Variants in PRCP observed in about 807,000 individuals in gnomAD.
The protein encoded by PRCP is lysosomal Pro-X carboxypeptidase.
In PRCP, 46 loss-of-function variants were observed where a neutral mutation model predicts 54.2. The ratio of observed to expected loss-of-function variants is 0.85; its 90% confidence interval spans 0.67 to 1.09. The LOEUF (loss-of-function observed/expected upper bound fraction) is 1.09, where lower values mean the gene tolerates loss of function less well. PRCP is among the 50% of genes least tolerant of loss of function. PRCP has a pLI of 0.00. For synonymous variants in PRCP, 240 were observed against 212.2 expected (o/e 1.13, Z -1.14); for missense variants, 613 against 596.8 (o/e 1.03, Z -0.28).
chr11:82,900,326 A>G lies in PRCP; in HGVS notation c.77T>C (p.Leu26Ser). 1 of 1,614,178 alleles carries G rather than the reference A, an allele frequency of 6.2e-7. No individual in the cohort carries two copies. The highest frequency in any genetic ancestry group is 1.1e-5 in the South Asian group (1 of 91,074). Residue 26 changes from leucine to serine, a missense_variant, in exon 1 of 9, where the codon TTA (leucine) becomes TCA (serine). Leu to Ser is a moderately radical substitution (Grantham distance 145). Transcript: ENST00000313010. ...CAAGTGTAGGCTGCCGAGGGCCCTT[A>G]AGGCCGGCCGGAGGGCTATGGTGGC... ...PWATIALRPA[L>S]RALGSLHLPT...
chr11:82,879,172 A>G (rs1046518049), intron 1 of PRCP, among the ~76,000 whole-genome samples: 7 of 152,214 alleles, frequency 4.6e-5, no homozygotes, highest in African/African-American at 1.7e-4. Flanking sequence ...AGGTACACCA[A>G]TCAGACATAG....
At chr11:82,866,013 G>A (rs6592086) in intron 1 of PRCP, among the ~76,000 whole-genome samples, 2 of 151,990 alleles carry the variant, frequency 1.3e-5, no homozygotes, top group African/African-American at 4.8e-5. Flanking sequence ...CACCCTAGAG[G>A]TAGGACAAGA....
At chr11:82,836,011 T>C in intron 8 of PRCP, 1 of 262,094 alleles carries the variant, frequency 3.8e-6, no homozygotes. Flanking sequence ...GCTAACATGG[T>C]TGAAACCCCA....
At chr11:82,868,833 C>T (rs1479618845) in intron 1 of PRCP, among the ~76,000 whole-genome samples, 8 of 151,836 alleles carry the variant, frequency 5.3e-5, no homozygotes, top group Non-Finnish European at 1.0e-4. Flanking sequence ...GCCAGGAGTT[C>T]GAGACCAGCC....
At chr11:82,893,865 A>G (rs1860058105) in intron 1 of PRCP, among the ~76,000 whole-genome samples, 1 of 152,230 alleles carries the variant, frequency 6.6e-6, no homozygotes, top group African/African-American at 2.4e-5. Flanking sequence ...ATAGAACAGT[A>G]ATAGGGATTA....
Position 82,900,392 on chromosome 11 carries a change from C to T in PRCP, c.11G>A (p.Arg4Gln). Residue 4 changes from arginine (R) to glutamine (Q), a missense_variant, in exon 1 of 9, where the codon CGA becomes CAA. Arg to Gln is a conservative substitution (Grantham distance 43). Coordinates refer to ENST00000313010, the MANE Select transcript of PRCP (RefSeq NM_005040.4). MGR[R>Q]ALLLLLLSFL... ...AGACAGAAGCAGGAGCAGGAGGGCT[C>T]GGCGGCCCATGGCTCAGGCTGGAGA... 3 of 1,613,524 alleles carry T rather than the reference C, an allele frequency of 1.9e-6. No homozygotes were observed. Among genetic ancestry groups the T allele is most frequent in the Non-Finnish European group, 1.7e-6 (2 of 1,179,840 alleles).
At chr11:82,860,448 T>C (rs1565226842) in intron 1 of PRCP, among the ~76,000 whole-genome samples, 1 of 152,110 alleles carries the variant, frequency 6.6e-6, no homozygotes, top group Non-Finnish European at 1.5e-5. Context: ...TAATTTTTAA[T>C]GCATTTTTAA....
upstream of PRCP, chr11:82,900,517 A>C (rs1256745112): frequency 1.4e-6 from 2 of 1,413,346 alleles, no homozygotes; most frequent in Non-Finnish European, 1.9e-6. Context: ...AGCTCCTCCC[A>C]GGGGAAACCC....
At chr11:82,877,876 G>A (rs1470083428) in intron 1 of PRCP, among the ~76,000 whole-genome samples, 1 of 152,204 alleles carries the variant, frequency 6.6e-6, no homozygotes, top group Non-Finnish European at 1.5e-5. Flanking sequence ...CAGAATGGTA[G>A]ACCCACTGAC....
chr11:82,856,037 G>C (rs1020063873), intron 2 of PRCP, among the ~76,000 whole-genome samples: 3 of 152,122 alleles, frequency 2.0e-5, no homozygotes, highest in African/African-American at 7.2e-5. Flanking sequence ...CAGGTGTGGC[G>C]GCTCATGCCT....
intron 1 of PRCP, among the ~76,000 whole-genome samples, 180 bp from the exon 2 acceptor site, chr11:82,860,297 CTTATA>C (rs1465885840): frequency 6.6e-6 from 1 of 151,378 alleles, no homozygotes; most frequent in African/African-American, 2.4e-5. Flanking sequence ...AAATCATTTC[CTTATA>C]TTATAAAATA....
intron 1 of PRCP, among the ~76,000 whole-genome samples, chr11:82,875,294 C>A (rs1038730658): frequency 1.3e-5 from 2 of 152,194 alleles, no homozygotes; most frequent in Admixed American, 1.3e-4. Flanking sequence ...CTGAGTTGAA[C>A]TGGAAGAACT....
intron 1 of PRCP, among the ~76,000 whole-genome samples, chr11:82,880,051 T>G (rs1296093272): frequency 6.6e-6 from 1 of 152,212 alleles, no homozygotes; most frequent in Non-Finnish European, 1.5e-5. Flanking sequence ...GAACCACTAC[T>G]CTCTTCAAAG....
rs539560951 is a variant in PRCP, at chr11:82,849,185, T to A, written c.785A>T (p.His262Leu). 6.2e-7 allele frequency: 1 copy of A among 1,614,034 alleles called. No individual in the cohort carries two copies. Among genetic ancestry groups the A allele is most frequent in the Non-Finnish European group, 8.5e-7 (1 of 1,179,940 alleles). Residue 262 changes from histidine (H) to leucine (L), a missense_variant, in exon 6 of 9, where the codon CAC (histidine) becomes CTC (leucine). His to Leu is a moderately conservative substitution (Grantham distance 99, BLOSUM62 -3). Coordinates refer to ENST00000313010, the MANE Select transcript of PRCP (RefSeq NM_005040.4). Reference protein sequence around the residue: ...SGLQWLTGALHLCSPLTSQDI... With the variant: ...SGLQWLTGALLLCSPLTSQDI... Reference sequence around the variant, plus strand: ...CTGAGAAGTTAATGGGCTGCATAAGTGAAGGGCTCCAGTAAGCCACTGCAA... The same window carrying A: ...CTGAGAAGTTAATGGGCTGCATAAGAGAAGGGCTCCAGTAAGCCACTGCAA...
At chr11:82,837,504 T>C (rs1448353913) in intron 8 of PRCP, among the ~76,000 whole-genome samples, 1 of 152,132 alleles carries the variant, frequency 6.6e-6, no homozygotes, top group Non-Finnish European at 1.5e-5. Flanking sequence ...AGATAAAGTT[T>C]TAACAGATTT....
At chr11:82,881,464 CCGCTGGGCTG>C (rs1359931262) in intron 1 of PRCP, among the ~76,000 whole-genome samples, 1 of 152,108 alleles carries the variant, frequency 6.6e-6, no homozygotes, top group Non-Finnish European at 1.5e-5. Flanking sequence ...AGGACAGCCC[CCGCTGGGCTG>C]AGTCAGCGGG....
Position 82,850,415 on chromosome 11 carries a change from C to T in PRCP, c.502G>A (p.Ala168Thr), listed in dbSNP as rs1445672845. Reference protein sequence around the residue: ...IKHLKRTIPGAENQPVIAIGG... With the variant: ...IKHLKRTIPGTENQPVIAIGG... ...ATGGCAATGACAGGTTGATTTTCAG[C>T]TCCTGGGATTGTTCTTTTCAAGTGT... Residue 168 changes from alanine (A) to threonine (T), a missense_variant, in exon 4 of 9, where the codon GCT becomes ACT. Ala to Thr is a moderately conservative substitution (Grantham distance 58). Transcript: ENST00000313010. 1.7e-5 allele frequency: 28 copies of T among 1,607,200 alleles called. No individual in the cohort carries two copies. Among genetic ancestry groups the T allele is most frequent in the Non-Finnish European group, 2.3e-5 (27 of 1,176,272 alleles).
upstream of PRCP, chr11:82,900,766 C>T (rs1860266425): frequency 4.1e-6 from 2 of 483,272 alleles, no homozygotes; most frequent in Non-Finnish European, 4.1e-6. Context: ...TCCTTCAGGT[C>T]ACCCAATATC....
At chr11:82,844,751 G>A (rs796348211) in intron 6 of PRCP, among the ~76,000 whole-genome samples, 118 of 124,472 alleles carry the variant, frequency 9.5e-4, no homozygotes, top group Middle Eastern at 4.3e-3. Context: ...AAAAAAAAAA[G>A]AAAGAAAGAA....
Sources: allele counts gnomAD v4.1 joint callset (sites outside exome capture counted in the v4.1 genomes callset), GRCh38; gene constraint gnomAD v4.1.1; transcripts MANE v1.5; gene names NCBI Gene and HGNC (gene_info 2026-07-23, HGNC 2026-07-21).